CCDC88C: variants seen among roughly 807,000 people sequenced by gnomAD.
CCDC88C encodes the protein coiled-coil and HOOK domain protein 88C.
CCDC88C carries 131 observed loss-of-function variants against 198.8 expected under a neutral mutation model. That is an observed-to-expected ratio of 0.66 (90% confidence interval 0.57 to 0.76). The LOEUF is 0.76. Among genes scored for constraint, CCDC88C ranks in the 30% least tolerant of loss-of-function variants. The pLI, the probability that CCDC88C is intolerant of heterozygous loss-of-function variation, is 0.00. For missense variants in CCDC88C, 2,553 were observed against 2,631.6 expected, an observed-to-expected ratio of 0.97 and a Z score of 0.65; for synonymous variants, 1,166 against 1,114.7, an observed-to-expected ratio of 1.05 and a Z score of -0.92.
chr14:91,281,138 C>T (rs1890178955), intron 27 of CCDC88C: 1 of 513,874 alleles, frequency 1.9e-6, no homozygotes. Context: ...AGCAAGGGAC[C>T]TTCTTGAAAT....
intron 15 of CCDC88C, among the ~76,000 whole-genome samples, chr14:91,310,254 G>C (rs913192597): frequency 1.3e-5 from 2 of 151,890 alleles, no homozygotes; most frequent in Admixed American, 1.3e-4. Context: ...TCATGTATTT[G>C]AAATGCCACT....
intron 25 of CCDC88C, among the ~76,000 whole-genome samples, chr14:91,283,921 T>A (rs905968240): frequency 6.6e-6 from 1 of 152,232 alleles, no homozygotes; most frequent in Non-Finnish European, 1.5e-5. Flanking sequence ...TAGCTGAGGA[T>A]CCGAAGGTCC....
intron 10 of CCDC88C, among the ~76,000 whole-genome samples, chr14:91,326,602 T>A (rs938139335): frequency 1.3e-5 from 2 of 152,186 alleles, no homozygotes; most frequent in Admixed American, 6.5e-5. Context: ...CTGGGAATAG[T>A]GCCAAGGCTT....
rs371785821 is a variant in CCDC88C at position 91,385,146 on chromosome 14, C to T, written c.270+23513G>A. On this transcript the variant is annotated intron_variant, in intron 3 of 29. Coordinates refer to ENST00000389857, the MANE Select transcript of CCDC88C (RefSeq NM_001080414.4). ...TTTACTTTGAGGTTTGGGTGTGCTGCTCTGCAAGACCCCAAAGCACACAGA... is the reference window on the plus strand; with the variant it reads ...TTTACTTTGAGGTTTGGGTGTGCTGTTCTGCAAGACCCCAAAGCACACAGA... Among the ~76,000 whole-genome samples, 9 of 152,216 alleles carry T rather than the reference C, an allele frequency of 5.9e-5. No individual in the cohort carries two copies. In the South Asian group the frequency reaches 8.3e-4, roughly 14 times the overall value.
chr14:91,364,145 C>T (rs991178815), intron 3 of CCDC88C, among the ~76,000 whole-genome samples: 3 of 152,234 alleles, frequency 2.0e-5, no homozygotes, highest in African/African-American at 4.8e-5. Context: ...ACACCAGCCT[C>T]GCTGAGGCCT....
Position 91,313,962 on chromosome 14 carries a change from C to T in CCDC88C, c.1854G>A (p.Arg618=), listed in dbSNP as rs558357516. ...CCTTCTCCTTGGCCTGCTCCAAGTC[C>T]CTGTGCAGCTGCCGCTTCTCAAACT... ...QLEFEKRQLH[R]DLEQAKEKGE... Residue 618 remains arginine, a synonymous_variant, in exon 15 of 30, where the codon AGG becomes AGA. Transcript: ENST00000389857. This position sits in a 1 kb window ranked among gnomAD's most constrained non-coding sequence, Gnocchi z 5.2. 43 of 1,613,650 alleles carry T rather than the reference C, an allele frequency of 2.7e-5. No homozygotes were observed. The highest frequency in any genetic ancestry group is 2.4e-4 in the South Asian group (22 of 91,064).
In CCDC88C at chr14:91,325,438, C is replaced by T. The variant is rs1175013105; in HGVS notation, c.1197+472G>A. ...ACCCGCTCAAGCCTGCTGATTTTAGCAAGCTACTCCCCGCAGTCAACAAGT... is the reference window on the plus strand; with the variant it reads ...ACCCGCTCAAGCCTGCTGATTTTAGTAAGCTACTCCCCGCAGTCAACAAGT... On this transcript the variant is annotated intron_variant, in intron 11 of 29. Transcript: ENST00000389857. This position sits in a 1 kb window ranked among gnomAD's most constrained non-coding sequence, Gnocchi z 4.1. 2.0e-5 allele frequency among the ~76,000 whole-genome samples: 3 copies of T among 152,184 alleles called. No homozygotes were observed. The highest frequency in any genetic ancestry group is 7.2e-5 in the African/African-American group (3 of 41,438).
chr14:91,417,669 G>A lies in CCDC88C; in HGVS notation c.22C>T (p.Leu8Phe). The A allele has an allele frequency of 6.3e-7, 1 of 1,583,658 alleles. No individual in the cohort carries two copies. The highest frequency in any genetic ancestry group is 2.4e-5 in the East Asian group (1 of 41,878). MDVTVSE[L>F]LELFLQSPLV... ...GGGCTCTGCAGGAAGAGCTCCAGGA[G>A]CTCCGAGACTGTCACGTCCATGCTG... The change falls in exon 1 of 30, where the codon CTC becomes TTC. Residue 8 changes from leucine to phenylalanine, a missense_variant. By Grantham distance (22) the Leu-to-Phe change is conservative (BLOSUM62 0). This residue lies in a region of CCDC88C where 1,260 missense variants were observed against 1,412.0 expected (regional missense o/e 0.89). Transcript: ENST00000389857.
At chr14:91,390,796 C>G (rs1885463437) in intron 3 of CCDC88C, among the ~76,000 whole-genome samples, 1 of 152,144 alleles carries the variant, frequency 6.6e-6, no homozygotes, top group Admixed American at 6.5e-5. Context: ...GGAAGCACCC[C>G]ACTTCCTTTA....
intron 22 of CCDC88C, among the ~76,000 whole-genome samples, chr14:91,295,839 TA>T (rs1378785029): frequency 6.6e-6 from 1 of 152,100 alleles, no homozygotes; most frequent in African/African-American, 2.4e-5. Context: ...ACAGGGTCCA[TA>T]AAGAGGCCAT....
intron 3 of CCDC88C, among the ~76,000 whole-genome samples, chr14:91,361,378 T>C (rs1894298679): frequency 6.6e-6 from 1 of 152,152 alleles, no homozygotes; most frequent in Admixed American, 6.5e-5. Context: ...ACAACCCACA[T>C]GGCCCGAGTG....
rs796660357 is a variant in CCDC88C, at chr14:91,344,515, C to CTT, written c.341-860_341-859dup. Among the ~76,000 whole-genome samples, 410 of 143,030 alleles carry CTT rather than the reference C, an allele frequency of 2.9e-3. 5 individuals carry two copies. Among genetic ancestry groups the CTT allele is most frequent in the African/African-American group, 9.9e-3 (388 of 39,148 alleles). The allele number at this position is 143,030 out of a possible 152,430, so 93.8% of individuals were successfully genotyped here. ...TTCTATAAGATAACATAAAGCCATC[C>CTT]TTTTTTTTTTTTTTGAGATGGAGTC... On this transcript the variant is annotated intron_variant, in intron 4 of 29. Coordinates refer to ENST00000389857, the MANE Select transcript of CCDC88C (RefSeq NM_001080414.4).
chr14:91,296,862 C>T (rs1891029501), intron 22 of CCDC88C, among the ~76,000 whole-genome samples: 1 of 152,122 alleles, frequency 6.6e-6, no homozygotes, highest in South Asian at 2.1e-4. Context: ...CCATTTCCAA[C>T]CTTGTGTACT....
In CCDC88C at chr14:91,417,658, G is replaced by A. The variant is rs1477520894; in HGVS notation, c.33C>T (p.Leu11=). The A allele has an allele frequency of 6.3e-7, 1 of 1,586,516 alleles. No individual in the cohort carries two copies. Among genetic ancestry groups the A allele is most frequent in the Non-Finnish European group, 8.6e-7 (1 of 1,169,578 alleles). The change falls in exon 1 of 30, where the codon CTC becomes CTT. Residue 11 remains leucine (L), a synonymous_variant. Coordinates refer to ENST00000389857, the MANE Select transcript of CCDC88C (RefSeq NM_001080414.4). MDVTVSELLE[L]FLQSPLVTWV... ...AGGTCACCAGCGGGCTCTGCAGGAA[G>A]AGCTCCAGGAGCTCCGAGACTGTCA...
In CCDC88C at chr14:91,325,646, G is replaced by A. The variant is rs1026737889; in HGVS notation, c.1197+264C>T. On this transcript the variant is annotated intron_variant, in intron 11 of 29. Transcript: ENST00000389857. This position sits in a 1 kb window ranked among gnomAD's most constrained non-coding sequence, Gnocchi z 4.1. ...GGCTGGAATGCAATGGTGTGATCACGGCTCACTGCAGCCTCAACCTCCCAG... is the reference window on the plus strand; with the variant it reads ...GGCTGGAATGCAATGGTGTGATCACAGCTCACTGCAGCCTCAACCTCCCAG... 3.3e-5 allele frequency among the ~76,000 whole-genome samples: 5 copies of A among 151,920 alleles called. No individual in the cohort carries two copies. Among genetic ancestry groups the A allele is most frequent in the Admixed American group, 1.3e-4 (2 of 15,248 alleles).
chr14:91,366,662 A>G (rs1894557795), intron 3 of CCDC88C, among the ~76,000 whole-genome samples: 1 of 152,210 alleles, frequency 6.6e-6, no homozygotes, highest in South Asian at 2.1e-4. Context: ...CTGCACCTTC[A>G]AGCATCTTCT....
At chr14:91,321,355 A>G in intron 12 of CCDC88C, 51 bp from the exon 13 acceptor site, 1 of 1,527,188 alleles carries the variant, frequency 6.5e-7, no homozygotes, top group Non-Finnish European at 8.8e-7. Flanking sequence ...CTCCACTTCC[A>G]CTCTCTGCCC....
Position 91,339,339 on chromosome 14 carries a change from G to C in CCDC88C, c.748C>G (p.Gln250Glu). The C allele has an allele frequency of 6.2e-7, 1 of 1,613,820 alleles. No individual in the cohort carries two copies. The highest frequency in any genetic ancestry group is 8.5e-7 in the Non-Finnish European group (1 of 1,179,880). Residue 250 changes from glutamine to glutamate, a missense_variant, in exon 8 of 30, where the codon CAG becomes GAG. This residue lies in a region of CCDC88C where 1,260 missense variants were observed against 1,412.0 expected (regional missense o/e 0.89). Transcript: ENST00000389857. The surrounding 1 kb of genome is among the most constrained non-coding windows in gnomAD (Gnocchi z 5.8). Reference sequence around the variant, plus strand: ...TCGGCCAGCTCTACGGCCAGGTGCTGCTTGTCTTCGCTAGAGAGGCTGCTG... The same window carrying C: ...TCGGCCAGCTCTACGGCCAGGTGCTCCTTGTCTTCGCTAGAGAGGCTGCTG... ...PTSSLSSEDK[Q>E]HLAVELADTK...
At chr14:91,374,725 A>G (rs941764) in intron 3 of CCDC88C, among the ~76,000 whole-genome samples, 68,783 of 152,132 alleles carry the variant, frequency 0.45, 17,958 homozygotes, top group African/African-American at 0.72. Context: ...TGGTCTCTGC[A>G]GTCAGGCTCA....
Sources: gnomAD v4.1 joint callset for allele counts (sites outside exome capture counted in the v4.1 genomes callset) on GRCh38, gnomAD v4.1.1 for gene constraint, gnomAD v4.1.1 regional missense constraint, Gnocchi (gnomAD v3.1) non-coding constraint, MANE v1.5 for transcripts, NCBI Gene and HGNC (gene_info 2026-07-23, HGNC 2026-07-21) for gene names.